Variants in ZNF544 observed in about 807,000 individuals in gnomAD.
ZNF544 encodes zinc finger protein AF020591.
A neutral mutation model predicts 13.5 loss-of-function variants in ZNF544; 10 were observed. The ratio of observed to expected loss-of-function variants is 0.74; its 90% CI spans 0.46 to 1.25. ZNF544 has a LOEUF of 1.25. Among genes scored for constraint, ZNF544 ranks in the 50% most tolerant of loss-of-function variants. The probability of loss-of-function intolerance (pLI) is 0.00; values close to 1 mark genes in which losing one functional copy is unlikely to be tolerated. For missense variants in ZNF544, 896 were observed against 845.6 expected (o/e 1.06, Z -0.74); for synonymous variants, 323 against 300.5 (o/e 1.07, Z -0.77).
Position 58,261,513 on chromosome 19 carries a change from T to C in ZNF544, c.907T>C (p.Cys303Arg). Residue 303 changes from cysteine to arginine, a missense_variant, in exon 7 of 7, where the codon TGC (cysteine) becomes CGC (arginine). Transcript: ENST00000687789. ...FGKSQYECDECRETCSESLCL... is the reference protein window; with the variant it reads ...FGKSQYECDERRETCSESLCL... The stretch of plus-strand genomic sequence containing the variant: ...GAAAAGTCAGTATGAGTGTGATGAG[T>C]GCAGGGAAACCTGTTCTGAGAGTCT... 1 of 1,614,082 alleles carries C rather than the reference T, an allele frequency of 6.2e-7. No homozygotes were observed. Among genetic ancestry groups the C allele is most frequent in the Non-Finnish European group, 8.5e-7 (1 of 1,180,014 alleles).
rs1425513223 is a variant in ZNF544 at position 58,241,158 on chromosome 19, TTTAA to T, written c.-59-2806_-59-2803del. On this transcript the variant is annotated intron_variant, in intron 3 of 6. Transcript: ENST00000687789. ...AGCCAATTTAAAATATATATATATATTTAAATATATATATATATATATTTTTTTT... is the reference window on the plus strand; with the variant it reads ...AGCCAATTTAAAATATATATATATATATATATATATATATATATTTTTTTT... Among the ~76,000 whole-genome samples, 73 of 81,362 alleles carry T rather than the reference TTTAA, an allele frequency of 9.0e-4. 3 individuals are homozygous for T. In the South Asian group the frequency reaches 0.013, roughly 15 times the overall value. The allele number at this position is 81,362 out of a possible 152,430, so 53.4% of individuals were successfully genotyped here. A position where few individuals can be genotyped will look rare whatever the true frequency, so the allele number is the denominator to read the frequency against.
At chr19:58,277,365 G>T in exon 7 of ZNF544, 2 of 787,532 alleles carry the variant, frequency 2.5e-6, no homozygotes, top group South Asian at 6.4e-5. Flanking sequence ...ACGGTGTGAA[G>T]GGCCATGTCA....
At chr19:58,233,665 A>G (rs2041819137) in intron 3 of ZNF544, among the ~76,000 whole-genome samples, 1 of 152,180 alleles carries the variant, frequency 6.6e-6, no homozygotes, top group South Asian at 2.1e-4. Context: ...CCCCTCCTAT[A>G]TTAGATCTGT....
chr19:58,256,057 C>T (rs529341598), intron 6 of ZNF544, among the ~76,000 whole-genome samples: 31 of 152,290 alleles, frequency 2.0e-4, no homozygotes, highest in South Asian at 1.9e-3. Context: ...AGAGTGGCTC[C>T]GGCCAGAAAC....
At chr19:58,268,258 G>C (rs1360462882), downstream of ZNF544, among the ~76,000 whole-genome samples, 1 of 152,230 alleles carries the variant, frequency 6.6e-6, no homozygotes, top group African/African-American at 2.4e-5. Context: ...GAGGTCTAGT[G>C]CCATTACACT....
intron 6 of ZNF544, chr19:58,257,423 A>G (rs979427177): frequency 2.6e-5 from 4 of 152,218 alleles, no homozygotes; most frequent in African/African-American, 7.2e-5. Flanking sequence ...TTTACACCCT[A>G]TGAAATAGTG....
At chr19:58,270,005 G>T (rs1438419328) in intron 5 of ZNF544, among the ~76,000 whole-genome samples, 1 of 152,124 alleles carries the variant, frequency 6.6e-6, no homozygotes, top group Non-Finnish European at 1.5e-5. Flanking sequence ...TCTAGAAAAG[G>T]AATAGGGCAA....
intron 6 of ZNF544, among the ~76,000 whole-genome samples, chr19:58,254,373 G>C (rs984376471): frequency 5.3e-4 from 81 of 152,270 alleles, no homozygotes; most frequent in African/African-American, 1.9e-3. Context: ...AGATTATCAG[G>C]GTCAAATTTA....
chr19:58,274,039 C>T (rs2051012995), intron 5 of ZNF544, among the ~76,000 whole-genome samples: 1 of 152,076 alleles, frequency 6.6e-6, no homozygotes, highest in South Asian at 2.1e-4. Flanking sequence ...CATGGTCTGC[C>T]CACCTCCGCC....
intron 3 of ZNF544, among the ~76,000 whole-genome samples, chr19:58,241,179 A>ATATATATATATATATATATATATTT (rs1181835768): frequency 1.4e-5 from 1 of 72,776 alleles, no homozygotes; most frequent in Non-Finnish European, 2.6e-5. Flanking sequence ...ATATATATAT[A>ATATATATATATATATATATATATTT]TTTTTTTTTT....
At chr19:58,232,196 C>T (rs1480511398) in intron 3 of ZNF544, among the ~76,000 whole-genome samples, 1 of 151,998 alleles carries the variant, frequency 6.6e-6, no homozygotes, top group African/African-American at 2.4e-5. Context: ...TAAAGATACG[C>T]TCTACTTAGA....
chr19:58,246,546 G>C, intron 5 of ZNF544, 119 bp downstream of exon 5: 1 of 1,496,872 alleles, frequency 6.7e-7, no homozygotes, highest in Non-Finnish European at 9.1e-7. Context: ...TTCAGGTGCA[G>C]TTCCCAGGGG....
chr19:58,272,685 C>A (rs2147900382), intron 5 of ZNF544, among the ~76,000 whole-genome samples: 1 of 152,018 alleles, frequency 6.6e-6, no homozygotes, highest in African/African-American at 2.4e-5. Flanking sequence ...GAGTTCAAGA[C>A]CAGCCTGGCC....
intron 5 of ZNF544, among the ~76,000 whole-genome samples, chr19:58,271,974 C>T (rs576639772): frequency 5.3e-5 from 8 of 152,038 alleles, no homozygotes; most frequent in South Asian, 2.1e-4. Context: ...CCAGCCTGGC[C>T]GACATGGTGA....
chr19:58,263,354 AG>A lies in ZNF544; in HGVS notation c.*602del, dbSNP rs2049387146. ...CGCATACCTGTAGTCCTAGCTACTC[AG>A]GAGGCTGAGGTGGGAGGATCACTTG... On this transcript the variant is annotated 3_prime_UTR_variant, in exon 7 of 7. Coordinates refer to ENST00000687789, the MANE Select transcript of ZNF544 (RefSeq NM_014480.4). The A allele has an allele frequency of 3.3e-6, 3 of 904,524 alleles. No individual in the cohort carries two copies. In the Admixed American group the frequency reaches 1.8e-4, roughly 56 times the overall value. The allele number at this position is 904,524 out of a possible 1,614,324, so 56.0% of individuals were successfully genotyped here.
intron 3 of ZNF544, among the ~76,000 whole-genome samples, chr19:58,235,551 G>C (rs1176414041): frequency 6.6e-6 from 1 of 152,056 alleles, no homozygotes; most frequent in African/African-American, 2.4e-5. Context: ...TATACATCGT[G>C]GTGGCTATAG....
At chr19:58,236,041 CAA>C (rs1174848122) in intron 3 of ZNF544, among the ~76,000 whole-genome samples, 2 of 146,562 alleles carry the variant, frequency 1.4e-5, no homozygotes, top group African/African-American at 5.1e-5. Context: ...GCCTGGGTAA[CAA>C]GAGTGAAACT....
intron 3 of ZNF544, among the ~76,000 whole-genome samples, chr19:58,240,261 C>CT (rs1031124260): frequency 7.2e-4 from 105 of 145,768 alleles, no homozygotes; most frequent in African/African-American, 1.2e-3. Context: ...CTTTTTCTTT[C>CT]TTTTTTTTTT....
At position 58,262,950 on chromosome 19, in the gene ZNF544, C is replaced by T. The variant is rs545047136; in HGVS notation, c.*196C>T. On this transcript the variant is annotated 3_prime_UTR_variant, in exon 7 of 7. Coordinates refer to ENST00000687789, the MANE Select transcript of ZNF544 (RefSeq NM_014480.4). ...TGTGGGAAAGCCTTCAATGATCGCTCAACCCTTAGTAAACACGAGAGGACA... is the reference window on the plus strand; with the variant it reads ...TGTGGGAAAGCCTTCAATGATCGCTTAACCCTTAGTAAACACGAGAGGACA... 5 of 1,400,254 alleles carry T rather than the reference C, an allele frequency of 3.6e-6. No individual in the cohort carries two copies. The highest frequency in any genetic ancestry group is 6.1e-5 in the Admixed American group (2 of 32,832). 86.7% of individuals were successfully genotyped at this position (1,400,254 alleles called of 1,614,324 possible). A position where few individuals can be genotyped will look rare whatever the true frequency, so the allele number is the denominator to read the frequency against.
Sources: gnomAD v4.1 joint callset for allele counts (sites outside exome capture counted in the v4.1 genomes callset) on GRCh38, gnomAD v4.1.1 for gene constraint, MANE v1.5 for transcripts, NCBI Gene and HGNC (gene_info 2026-07-23, HGNC 2026-07-21) for gene names.